The following SYT1 variants were observed in gnomAD, a reference collection of about 807,000 sequenced individuals.
SYT1 encodes synaptotagmin-1.
A neutral mutation model predicts 44.8 loss-of-function variants in SYT1; 8 were observed. That is an observed-to-expected ratio of 0.18 (90% CI 0.10 to 0.32). The LOEUF (loss-of-function observed/expected upper bound fraction) is 0.32, where lower values mean the gene tolerates loss of function less well. Ranked by LOEUF, SYT1 falls within the 10% of genes least tolerant of loss-of-function variation. The pLI is 1.00. For missense variants in SYT1, 286 were observed against 509.3 expected (o/e 0.56, Z 4.22); for synonymous variants, 154 against 188.8 (o/e 0.82, Z 1.51).
chr12:79,265,824 G>A (rs779080577), intron 4 of SYT1, among the ~76,000 whole-genome samples: 3 of 152,160 alleles, frequency 2.0e-5, no homozygotes, highest in African/African-American at 4.8e-5. Context: ...AGTGCTGCAT[G>A]CAAGAAGAGT....
intron 3 of SYT1, among the ~76,000 whole-genome samples, chr12:79,117,454 A>G (rs1879336639): frequency 6.6e-6 from 1 of 151,456 alleles, no homozygotes; most frequent in South Asian, 2.1e-4. Flanking sequence ...GTTCCACACC[A>G]TCACTCTTCA....
At chr12:79,007,796 T>G (rs911579435) in intron 2 of SYT1, among the ~76,000 whole-genome samples, 7 of 152,060 alleles carry the variant, frequency 4.6e-5, no homozygotes, top group African/African-American at 1.7e-4. Context: ...ATAATTTCAG[T>G]GCAAAAGTTC....
At chr12:79,126,763 G>T (rs1428553332) in intron 3 of SYT1, among the ~76,000 whole-genome samples, 1 of 152,162 alleles carries the variant, frequency 6.6e-6, no homozygotes. Flanking sequence ...GCAGGTTTAA[G>T]GGGTACTAGA....
chr12:78,904,217 TC>T (rs1231899587), intron 1 of SYT1, among the ~76,000 whole-genome samples: 1 of 152,104 alleles, frequency 6.6e-6, no homozygotes, highest in African/African-American at 2.4e-5. Flanking sequence ...GACAATGTTT[TC>T]CTATAAATAT....
At chr12:79,150,537 G>A (rs2138257681) in intron 3 of SYT1, among the ~76,000 whole-genome samples, 1 of 152,254 alleles carries the variant, frequency 6.6e-6, no homozygotes, top group South Asian at 2.1e-4. Context: ...ACAGCATGGA[G>A]ACAGACCATA....
intron 8 of SYT1, among the ~76,000 whole-genome samples, chr12:79,303,991 A>G (rs1011224057): frequency 1.3e-5 from 2 of 152,378 alleles, no homozygotes; most frequent in Admixed American, 1.3e-4. Context: ...AATTTTAAAC[A>G]TGGATGCCAA....
chr12:78,959,227 G>A (rs184857876), intron 1 of SYT1, among the ~76,000 whole-genome samples: 55 of 152,172 alleles, frequency 3.6e-4, no homozygotes, highest in East Asian at 1.9e-4. Flanking sequence ...ATGTATATAC[G>A]TAATTTATAT....
intron 3 of SYT1, among the ~76,000 whole-genome samples, chr12:79,113,796 T>G (rs991117323): frequency 2.0e-5 from 3 of 152,252 alleles, no homozygotes; most frequent in East Asian, 1.9e-4. Flanking sequence ...ACTGCTATAG[T>G]GTCCTGTAAC....
At chr12:78,993,703 T>A (rs940455653) in intron 2 of SYT1, among the ~76,000 whole-genome samples, 2 of 152,224 alleles carry the variant, frequency 1.3e-5, no homozygotes. Context: ...GCTGATACTT[T>A]GGTTTTTTGG....
chr12:79,436,515 G>T (rs988838501), intron 9 of SYT1, among the ~76,000 whole-genome samples: 1 of 152,142 alleles, frequency 6.6e-6, no homozygotes, highest in Non-Finnish European at 1.5e-5. Context: ...AATGAAAACT[G>T]CAGGCATCTT....
intron 2 of SYT1, among the ~76,000 whole-genome samples, chr12:79,040,271 C>T (rs1365792622): frequency 6.6e-6 from 1 of 151,352 alleles, no homozygotes; most frequent in African/African-American, 2.4e-5. Flanking sequence ...TCTCCACATC[C>T]TCTCCAGCAC....
At chr12:79,404,667 C>T (rs1049538301) in intron 9 of SYT1, among the ~76,000 whole-genome samples, 1 of 152,258 alleles carries the variant, frequency 6.6e-6, no homozygotes, top group Middle Eastern at 3.4e-3. Flanking sequence ...ACTTGCGTAG[C>T]GTAGGTTTCA....
In SYT1 at chr12:79,383,903, G is replaced by A. The variant is rs555579616; in HGVS notation, c.928+30284G>A. On this transcript the variant is annotated intron_variant, in intron 9 of 10. Transcript: ENST00000261205. ...CTATAAAAACTAAATTGTGAAAAAT[G>A]GCGCCAACCATATAACCTGTCCTTG... Among the ~76,000 whole-genome samples, 25 of 152,190 alleles carry A rather than the reference G, an allele frequency of 1.6e-4. No individual in the cohort carries two copies. The South Asian group carries it at 3.7e-3, about 23-fold the overall frequency.
chr12:79,081,361 AC>A (rs1382645245), intron 3 of SYT1, among the ~76,000 whole-genome samples: 1 of 151,402 alleles, frequency 6.6e-6, no homozygotes, highest in African/African-American at 2.4e-5. Context: ...AATCTGAGAC[AC>A]TGTTATGTCA....
At chr12:79,039,240 T>G (rs1469229557) in intron 2 of SYT1, among the ~76,000 whole-genome samples, 2 of 152,006 alleles carry the variant, frequency 1.3e-5, no homozygotes, top group African/African-American at 4.8e-5. Flanking sequence ...CACTAAAAAG[T>G]CATCAGCTTT....
At chr12:79,113,536 A>G (rs1879124715) in intron 3 of SYT1, among the ~76,000 whole-genome samples, 2 of 152,150 alleles carry the variant, frequency 1.3e-5, no homozygotes. Context: ...TTGGAGATAC[A>G]TACTGTGTAG....
intron 9 of SYT1, among the ~76,000 whole-genome samples, chr12:79,430,977 T>C (rs1272900671): frequency 6.6e-6 from 1 of 152,088 alleles, no homozygotes; most frequent in African/African-American, 2.4e-5. Flanking sequence ...AGACACTCAG[T>C]GAGTGAGTGA....
At chr12:79,333,782 C>T (rs1368110622) in intron 8 of SYT1, among the ~76,000 whole-genome samples, 5 of 152,160 alleles carry the variant, frequency 3.3e-5, no homozygotes, top group African/African-American at 1.2e-4. Context: ...CCTACCAGCT[C>T]TTTGTTATAA....
intron 3 of SYT1, among the ~76,000 whole-genome samples, chr12:79,116,502 T>C (rs908669269): frequency 9.9e-5 from 15 of 152,124 alleles, no homozygotes; most frequent in Non-Finnish European, 2.9e-5. Context: ...TTGTGTCTTA[T>C]TTCATAAGTG....
Sources: allele counts gnomAD v4.1 joint callset (sites outside exome capture counted in the v4.1 genomes callset), GRCh38; gene constraint gnomAD v4.1.1; transcripts MANE v1.5; gene names NCBI Gene and HGNC (gene_info 2026-07-23, HGNC 2026-07-21).